Variants in EPX observed in about 807,000 individuals in gnomAD.
The protein encoded by EPX is eosinophil peroxidase.
Under a neutral mutation model 73.0 loss-of-function variants are expected in EPX, and 60 were observed. The ratio of observed to expected loss-of-function variants is 0.82; its 90% CI spans 0.67 to 1.02. The LOEUF (loss-of-function observed/expected upper bound fraction) is 1.02, where lower values mean the gene tolerates loss of function less well. EPX is among the 50% of genes least tolerant of loss of function. EPX has a pLI of 0.00. For missense variants in EPX, 950 were observed against 973.9 expected (o/e 0.98, Z 0.33); for synonymous variants, 347 against 389.2 (o/e 0.89, Z 1.28).
At position 58,199,689 on chromosome 17, in the gene EPX, C is replaced by T; in HGVS notation, c.1432C>T (p.Gln478Ter). The stretch of plus-strand genomic sequence containing the variant: ...CTTCCGCTTTGGCCACACAATGCTC[C>T]AGCCCTTCATGTTCCGCTTGGACAG... Reference protein sequence around the residue: ...LAFRFGHTMLQPFMFRLDSQY... With the variant: ...LAFRFGHTML Residue 478 changes from glutamine to a stop codon, truncating the protein, a stop_gained, in exon 9 of 13, where the codon CAG becomes TAG. Transcript: ENST00000225371. LOFTEE classifies it high-confidence loss of function. The T allele has an allele frequency of 1.2e-6, 2 of 1,614,276 alleles. No homozygotes were observed. The highest frequency in any genetic ancestry group is 2.2e-5 in the South Asian group (2 of 91,088).
Position 58,193,020 on chromosome 17 carries a change from C to T in EPX, c.77-18C>T. The T allele has an allele frequency of 6.2e-7, 1 of 1,600,482 alleles. No homozygotes were observed. Among genetic ancestry groups the T allele is most frequent in the Non-Finnish European group, 8.6e-7 (1 of 1,167,508 alleles). On this transcript the variant is annotated intron_variant, in intron 1 of 12. Transcript: ENST00000225371. ...TCTTGTGGCTTGCTGAACCCTGAGT[C>T]CCCATCTCTTTGAACAGCCTCCCCT... is the stretch of plus-strand genomic sequence containing the variant.
rs1285152626 is a variant in EPX at position 58,200,235 on chromosome 17, C to T, written c.1548C>T (p.Asp516=). ...SWRIVYEGGI[D]PILRGLMATP... ...ATTCCCTGCCACCAGGGGGCATCGACCCCATCCTCCGGGGCCTCATGGCCA... is the reference window on the plus strand; with the variant it reads ...ATTCCCTGCCACCAGGGGGCATCGATCCCATCCTCCGGGGCCTCATGGCCA... Residue 516 remains aspartate (D), a synonymous_variant, in exon 10 of 13, where the codon GAC becomes GAT. Transcript: ENST00000225371. 1 of 1,614,106 alleles carries T rather than the reference C, an allele frequency of 6.2e-7. No individual in the cohort carries two copies. The highest frequency in any genetic ancestry group is 8.5e-7 in the Non-Finnish European group (1 of 1,179,996).
At chr17:58,197,415 A>G (rs1038240680) in intron 7 of EPX, among the ~76,000 whole-genome samples, 158 bp downstream of exon 7, 3 of 129,422 alleles carry the variant, frequency 2.3e-5, no homozygotes, top group African/African-American at 9.6e-5. Context: ...ATAGAATCAG[A>G]ACGTTGAGTC....
rs367909726 is a variant in EPX, at chr17:58,203,180, T to G, written c.1808T>G (p.Leu603Arg). 30 of 1,614,062 alleles carry G rather than the reference T, an allele frequency of 1.9e-5. No homozygotes were observed. Among genetic ancestry groups the G allele is most frequent in the African/African-American group, 6.7e-5 (5 of 74,940 alleles). Residue 603 changes from leucine to arginine, a missense_variant, in exon 11 of 13, where the codon CTG becomes CGG. Transcript: ENST00000225371. ...AACCAGGACTTGGCAAGGAAGTTCC[T>G]GAATTTGTATGGAACACCTGACAAC... ...LKNQDLARKF[L>R]NLYGTPDNID...
chr17:58,200,404 G>A lies in EPX; in HGVS notation c.1708+9G>A, dbSNP rs372794047. ...GGACCACGGCCTTCCAGGTGAGGGG[G>A]CTGTCCACCTCTTCTCCCAGCTTTG... On this transcript the variant is annotated intron_variant, in intron 10 of 12. Transcript: ENST00000225371. 57 of 1,613,634 alleles carry A rather than the reference G, an allele frequency of 3.5e-5. No homozygotes were observed. The African/African-American group carries it at 6.9e-4, about 20-fold the overall frequency.
chr17:58,193,645 G>A (rs944494464), intron 3 of EPX, 69 bp from the exon 4 acceptor site: 101 of 1,548,380 alleles, frequency 6.5e-5, no homozygotes, highest in East Asian at 3.6e-4. Flanking sequence ...GGTGCTGGGA[G>A]GAGAGAGGGT....
rs1183778202 is a variant in EPX at position 58,199,616 on chromosome 17, G to A, written c.1359G>A (p.Gly453=). Reference sequence around the variant, plus strand: ...GGAGAACCCTGGGGCACTACAGGGGGTACTGCTCCAATGTGGACCCACGGG... The same window carrying A: ...GGAGAACCCTGGGGCACTACAGGGGATACTGCTCCAATGTGGACCCACGGG... The part of the protein sequence containing the change: ...RARRTLGHYR[G]YCSNVDPRVA... Residue 453 remains glycine (G), a synonymous_variant, in exon 9 of 13, where the codon GGG becomes GGA. Transcript: ENST00000225371. The A allele has an allele frequency of 6.2e-7, 1 of 1,614,174 alleles. No individual in the cohort carries two copies. The highest frequency in any genetic ancestry group is 8.5e-7 in the Non-Finnish European group (1 of 1,180,004).
chr17:58,195,333 G>A lies in EPX; in HGVS notation c.801+163G>A, dbSNP rs984495725. 7.2e-5 allele frequency among the ~76,000 whole-genome samples: 11 copies of A among 152,160 alleles called. No homozygotes were observed. The East Asian group carries it at 1.2e-3, about 16-fold the overall frequency. On this transcript the variant is annotated intron_variant, in intron 6 of 12. Coordinates refer to ENST00000225371, the MANE Select transcript of EPX (RefSeq NM_000502.6). ...AGAAACACAGCTGAGCAGAGACCCC[G>A]CGCCGTGTGTGTTTGAGAGGTGGGG...
chr17:58,199,422 T>C (rs1298874864), intron 8 of EPX, 117 bp from the exon 9 acceptor site: 1 of 1,286,532 alleles, frequency 7.8e-7, no homozygotes, highest in Non-Finnish European at 1.1e-6. Flanking sequence ...CAATAGTAAA[T>C]TAATGTTGTC....
rs1190401227 is a variant in EPX at position 58,194,946 on chromosome 17, A to T, written c.595-18A>T. 6.2e-7 allele frequency: 1 copy of T among 1,605,000 alleles called. No individual in the cohort carries two copies. Among genetic ancestry groups the T allele is most frequent in the East Asian group, 2.2e-5 (1 of 44,818 alleles). On this transcript the variant is annotated intron_variant, in intron 5 of 12. Transcript: ENST00000225371. ...GTCAGGGAGCCCATGTCCCGTGCTG[A>T]TGTTATTTCCCCACCAGGTCCGGGC...
At position 58,196,905 on chromosome 17, in the gene EPX, G is replaced by A. The variant is rs755246011; in HGVS notation, c.802-34G>A. On this transcript the variant is annotated intron_variant, in intron 6 of 12. Transcript: ENST00000225371. Reference sequence around the variant, plus strand: ...GAGAGGAGTGAGTCTGCTATTGAGGGGGCCCCATGTCACTGTCTCCTCTTC... The same window carrying A: ...GAGAGGAGTGAGTCTGCTATTGAGGAGGCCCCATGTCACTGTCTCCTCTTC... 2.5e-6 allele frequency: 4 copies of A among 1,591,532 alleles called. No homozygotes were observed. In the East Asian group the frequency reaches 6.7e-5, roughly 27 times the overall value.
intron 6 of EPX, among the ~76,000 whole-genome samples, chr17:58,195,705 C>CAT (rs905923190): frequency 7.2e-5 from 11 of 152,056 alleles, no homozygotes; most frequent in South Asian, 2.1e-4. Flanking sequence ...CTCTCACACA[C>CAT]ACACACGTGC....
intron 6 of EPX, among the ~76,000 whole-genome samples, chr17:58,195,709 C>A (rs1450406794): frequency 6.6e-6 from 1 of 152,112 alleles, no homozygotes; most frequent in African/African-American, 2.4e-5. Context: ...CACACACACA[C>A]ACGTGCACAC....
chr17:58,194,901 T>G (rs1320184467), intron 5 of EPX, 63 bp from the exon 6 acceptor site: 1 of 1,238,736 alleles, frequency 8.1e-7, no homozygotes, highest in Non-Finnish European at 1.2e-6. Flanking sequence ...AGTCCTGGGT[T>G]GGCTCTAATA....
intron 3 of EPX, 67 bp downstream of exon 3, chr17:58,193,613 G>C: frequency 6.3e-7 from 1 of 1,580,282 alleles, no homozygotes; most frequent in Admixed American, 1.7e-5. Flanking sequence ...CCAGGAGAGG[G>C]AGGCAGGGTG....
rs2240815 is a variant in EPX at position 58,195,029 on chromosome 17, A to G, written c.660A>G (p.Arg220=). The G allele has an allele frequency of 0.46, 734,356 of 1,613,270 alleles. 174,966 individuals are homozygous for G. The highest frequency in any genetic ancestry group is 0.8 in the African/African-American group (59,784 of 74,958). ...AGAGACTGACCTCCGACCGTGGCCG[A>G]GCCCTCATGTTCATGCAGTGGGGCC... The part of the protein sequence containing the change: ...PNERLTSDRG[R]ALMFMQWGQF... Residue 220 remains arginine, a synonymous_variant, in exon 6 of 13, where the codon CGA becomes CGG. Coordinates refer to ENST00000225371, the MANE Select transcript of EPX (RefSeq NM_000502.6).
At chr17:58,196,856 G>A (rs1034245794) in intron 6 of EPX, 83 bp from the exon 7 acceptor site, 2 of 1,136,346 alleles carry the variant, frequency 1.8e-6, no homozygotes, top group African/African-American at 3.0e-5. Context: ...TTTAAGCAAG[G>A]TTTTGAGGAG....
rs1444845070 is a variant in EPX at position 58,203,134 on chromosome 17, C to T, written c.1762C>T (p.Gln588Ter). The change falls in exon 11 of 13, where the codon CAG becomes TAG. Residue 588 changes from glutamine (Q) to a stop codon, truncating the protein, a stop_gained. Transcript: ENST00000225371. LOFTEE classifies it high-confidence loss of function. ...CGLSQPRNLA[Q>*]LSRVLKNQDL... ...GCTCTCCCAGCCCCGGAATTTGGCA[C>T]AGCTTAGCCGGGTGCTGAAAAACCA... The T allele has an allele frequency of 3.1e-6, 5 of 1,614,218 alleles. No homozygotes were observed. The East Asian group carries it at 1.1e-4, about 36-fold the overall frequency.
intron 10 of EPX, among the ~76,000 whole-genome samples, chr17:58,201,253 CT>C (rs1406862140): frequency 1.3e-5 from 2 of 152,208 alleles, no homozygotes; most frequent in Non-Finnish European, 2.9e-5. Context: ...CACACAGCGC[CT>C]GGTAGAGCAC....
Sources: allele counts gnomAD v4.1 joint callset (sites outside exome capture counted in the v4.1 genomes callset), GRCh38; gene constraint gnomAD v4.1.1; transcripts MANE v1.5; gene names NCBI Gene and HGNC (gene_info 2026-07-23, HGNC 2026-07-21).